MEF2C: variants seen among roughly 807,000 people sequenced by gnomAD.
MEF2C encodes the protein myocyte enhancer factor 2C.
In MEF2C, 6 loss-of-function variants were observed where a neutral mutation model predicts 50.5. That is an observed-to-expected ratio of 0.12 (90% CI 0.07 to 0.23). The LOEUF (loss-of-function observed/expected upper bound fraction) is 0.23. Among genes scored for constraint, MEF2C ranks in the 10% least tolerant of loss-of-function variants. The pLI, the probability that MEF2C is intolerant of heterozygous loss-of-function variation, is 1.00. For synonymous variants in MEF2C, 183 were observed against 228.0 expected (o/e 0.80, Z 1.78); for missense variants, 276 against 605.0 (o/e 0.46, Z 5.70).
chr5:88,790,867 G>C (rs986588750), intron 3 of MEF2C, among the ~76,000 whole-genome samples: 1 of 152,164 alleles, frequency 6.6e-6, no homozygotes, highest in Admixed American at 6.6e-5. Flanking sequence ...TTCAGGGAAA[G>C]GAGAGGGATT....
chr5:88,873,047 G>A (rs770291063), intron 1 of MEF2C, among the ~76,000 whole-genome samples: 14 of 150,516 alleles, frequency 9.3e-5, no homozygotes, highest in East Asian at 1.9e-4. Context: ...TCCCCACACC[G>A]TACACACATA....
chr5:88,901,972 TTTTGGTTTGC>T (rs1352346461), intron 1 of MEF2C, among the ~76,000 whole-genome samples: 2 of 151,832 alleles, frequency 1.3e-5, no homozygotes, highest in African/African-American at 2.4e-5. Context: ...TGGCAGAAGC[TTTTGGTTTGC>T]TTATACTTAA....
chr5:88,760,630 T>G (rs574843117), intron 4 of MEF2C, among the ~76,000 whole-genome samples: 102 of 152,344 alleles, frequency 6.7e-4, no homozygotes, highest in South Asian at 6.0e-3. Flanking sequence ...AATCTATGTA[T>G]TTTATAGCAA....
At chr5:88,753,764 T>C (rs1773947653) in intron 4 of MEF2C, among the ~76,000 whole-genome samples, 1 of 152,188 alleles carries the variant, frequency 6.6e-6, no homozygotes, top group Non-Finnish European at 1.5e-5. Context: ...TTTATTAGGA[T>C]TTATCTACAG....
At chr5:88,848,115 G>A (rs938290559) in intron 1 of MEF2C, among the ~76,000 whole-genome samples, 3 of 152,068 alleles carry the variant, frequency 2.0e-5, no homozygotes, top group Non-Finnish European at 4.4e-5. Flanking sequence ...TTTTAGCTGA[G>A]ATTTTAAATC....
chr5:88,834,666 T>G (rs2153255854), intron 1 of MEF2C, among the ~76,000 whole-genome samples: 1 of 152,222 alleles, frequency 6.6e-6, no homozygotes, highest in Non-Finnish European at 1.5e-5. Flanking sequence ...AGGGGTTATT[T>G]GAGGAGATGA....
At chr5:88,766,220 G>A (rs1297472628) in intron 3 of MEF2C, among the ~76,000 whole-genome samples, 1 of 152,072 alleles carries the variant, frequency 6.6e-6, no homozygotes, top group Non-Finnish European at 1.5e-5. Flanking sequence ...AAATTCTAAT[G>A]AAATAGAATT....
At chr5:88,808,615 T>C (rs1282630762) in intron 2 of MEF2C, among the ~76,000 whole-genome samples, 1 of 152,106 alleles carries the variant, frequency 6.6e-6, no homozygotes, top group African/African-American at 2.4e-5. Context: ...CGTAAGAAAA[T>C]ATCTTCAAAA....
At chr5:88,783,804 A>G (rs1288898255) in intron 3 of MEF2C, among the ~76,000 whole-genome samples, 1 of 152,156 alleles carries the variant, frequency 6.6e-6, no homozygotes, top group African/African-American at 2.4e-5. Context: ...GTTGATTCCC[A>G]CATGTATTTT....
At chr5:88,823,614 T>C (rs868145611) in intron 2 of MEF2C, 121 bp downstream of exon 2, 2 of 925,974 alleles carry the variant, frequency 2.2e-6, no homozygotes, top group Middle Eastern at 3.4e-4. Context: ...TGGTCACATT[T>C]AATTAACCCA....
chr5:88,749,785 C>T, intron 5 of MEF2C, among the ~76,000 whole-genome samples: 1 of 152,136 alleles, frequency 6.6e-6, no homozygotes, highest in Non-Finnish European at 1.5e-5. Context: ...AATCCCAGCA[C>T]TTTGGGAGGC....
At chr5:88,875,002 G>C (rs1376707008) in intron 1 of MEF2C, among the ~76,000 whole-genome samples, 3 of 151,884 alleles carry the variant, frequency 2.0e-5, no homozygotes, top group African/African-American at 7.2e-5. Context: ...TGATTGAAAG[G>C]AGCCATGGCA....
intron 3 of MEF2C, among the ~76,000 whole-genome samples, chr5:88,780,144 C>T (rs766943001): frequency 1.1e-4 from 17 of 149,520 alleles, no homozygotes; most frequent in African/African-American, 2.5e-4. Context: ...GAGAATCCAT[C>T]TCGAAAAAAA....
At chr5:88,758,154 G>A (rs959691869) in intron 4 of MEF2C, among the ~76,000 whole-genome samples, 10 of 151,962 alleles carry the variant, frequency 6.6e-5, no homozygotes, top group African/African-American at 1.2e-4. Flanking sequence ...AATCTCAAGC[G>A]CTTTCATTTT....
chr5:88,811,623 C>T (rs1802848743), intron 2 of MEF2C, among the ~76,000 whole-genome samples: 1 of 152,196 alleles, frequency 6.6e-6, no homozygotes, highest in East Asian at 1.9e-4. Flanking sequence ...CTCAATCCCA[C>T]CCATACATTA....
intron 9 of MEF2C, among the ~76,000 whole-genome samples, chr5:88,729,002 T>C (rs1760217148): frequency 1.3e-5 from 2 of 152,198 alleles, no homozygotes; most frequent in Admixed American, 1.3e-4. Flanking sequence ...TGTGTTTCTA[T>C]TTTGAACTCA....
At chr5:88,807,871 T>C (rs1581033271) in intron 2 of MEF2C, among the ~76,000 whole-genome samples, 1 of 152,328 alleles carries the variant, frequency 6.6e-6, no homozygotes, top group Middle Eastern at 3.4e-3. Context: ...CCATATCAAC[T>C]AGTCAATATT....
chr5:88,764,802 C>A (rs1580316359), intron 3 of MEF2C, among the ~76,000 whole-genome samples: 6 of 87,324 alleles, frequency 6.9e-5, no homozygotes, highest in East Asian at 3.6e-4. Flanking sequence ...AGTGAGACTC[C>A]ATCTCAAAAA....
chr5:88,810,980 A>G (rs2153117273), intron 2 of MEF2C, among the ~76,000 whole-genome samples: 1 of 152,292 alleles, frequency 6.6e-6, no homozygotes. Context: ...CAATTACAAA[A>G]GTTCAGGTTG....
Sources: allele counts gnomAD v4.1 joint callset (sites outside exome capture counted in the v4.1 genomes callset), GRCh38; gene constraint gnomAD v4.1.1; transcripts MANE v1.5; gene names NCBI Gene and HGNC (gene_info 2026-07-23, HGNC 2026-07-21).